MYO1F: variants seen among roughly 807,000 people sequenced by gnomAD.
MYO1F encodes unconventional myosin-If.
In MYO1F, 60 loss-of-function variants were observed where a neutral mutation model predicts 146.6. The observed-to-expected ratio is 0.41, with a 90% CI of 0.33 to 0.51. The LOEUF (loss-of-function observed/expected upper bound fraction) is 0.51, where lower values mean the gene tolerates loss of function less well. MYO1F is among the 20% of genes least tolerant of loss of function. The probability of loss-of-function intolerance (pLI) is 0.25; values close to 1 mark genes in which losing one functional copy is unlikely to be tolerated. For missense variants in MYO1F, 1,274 were observed against 1,534.3 expected (o/e 0.83, Z 2.83); for synonymous variants, 602 against 602.1 (o/e 1.00, Z 0.00).
At chr19:8,547,991 A>AGCCCC in intron 12 of MYO1F, 45 bp downstream of exon 12, 1 of 435,422 alleles carries the variant, frequency 2.3e-6, no homozygotes, top group Non-Finnish European at 4.3e-6. Flanking sequence ...CTTCCACCCC[A>AGCCCC]CCCCCACCCC....
Position 8,526,874 on chromosome 19 carries a change from C to T in MYO1F, c.2536G>A (p.Val846Ile), listed in dbSNP as rs758533761. ...EDAADSFLESVFKTEFVSLLC... is the reference protein window; with the variant it reads ...EDAADSFLESIFKTEFVSLLC... ...AGGCTGACAAACTCGGTCTTGAAGA[C>T]GCTCTCCAGGAAGCTGTCGGCGGCA... Residue 846 changes from valine (V) to isoleucine (I), a missense_variant, in exon 23 of 28, where the codon GTC (valine) becomes ATC (isoleucine). By Grantham distance (29) the Val-to-Ile change is conservative (BLOSUM62 3). This residue lies in a region of MYO1F where 374 missense variants were observed against 379.2 expected (regional missense o/e 0.99). Transcript: ENST00000644032. 7 of 1,613,938 alleles carry T rather than the reference C, an allele frequency of 4.3e-6. No individual in the cohort carries two copies. The highest frequency in any genetic ancestry group is 2.2e-5 in the East Asian group (1 of 44,886).
chr19:8,550,407 TGCCTCCTGCATGG>T, intron 9 of MYO1F, 51 bp from the exon 10 acceptor site: 2 of 1,588,952 alleles, frequency 1.3e-6, no homozygotes, highest in Non-Finnish European at 1.7e-6. Flanking sequence ...TGGGCTCTTG[TGCCTCCTGCATGG>T]GCCTCCTATT....
In MYO1F at chr19:8,521,427, C is replaced by T. The variant is rs926774337; in HGVS notation, c.*101G>A. 5.5e-6 allele frequency: 7 copies of T among 1,281,234 alleles called. No individual in the cohort carries two copies. The African/African-American group carries it at 1.0e-4, about 19-fold the overall frequency. The allele number at this position is 1,281,234 out of a possible 1,614,324, so 79.4% of individuals were successfully genotyped here. A position where few individuals can be genotyped will look rare whatever the true frequency, so the allele number is the denominator to read the frequency against. On this transcript the variant is annotated 3_prime_UTR_variant, in exon 28 of 28. Transcript: ENST00000644032. ...AAAGGACTGGACTTTTAGGCTATTG[C>T]AGCCCAGGTAAACGAGGCTCTCATT...
In MYO1F at chr19:8,554,581, G is replaced by A. The variant is rs755414901; in HGVS notation, c.232-10C>T. ...GATTCTCATACTGGGCCTGGCAGGGGAGGTCAGGTCTCAGCCCAGGGCTGG... is the reference window on the plus strand; with the variant it reads ...GATTCTCATACTGGGCCTGGCAGGGAAGGTCAGGTCTCAGCCCAGGGCTGG... On this transcript the variant is annotated splice_polypyrimidine_tract_variant and intron_variant, in intron 3 of 27. Transcript: ENST00000644032. 13 of 1,612,330 alleles carry A rather than the reference G, an allele frequency of 8.1e-6. No individual in the cohort carries two copies. The highest frequency in any genetic ancestry group is 1.1e-5 in the Non-Finnish European group (13 of 1,178,416).
At chr19:8,555,834 C>T (rs368363753) in intron 1 of MYO1F, 38 bp from the exon 2 acceptor site, 49 of 1,588,014 alleles carry the variant, frequency 3.1e-5, no homozygotes, top group African/African-American at 2.4e-4. Context: ...AGCCCTTGCA[C>T]GGGGATGCGG....
chr19:8,545,112 G>C (rs950048671), intron 13 of MYO1F, among the ~76,000 whole-genome samples: 4 of 151,504 alleles, frequency 2.6e-5, no homozygotes, highest in African/African-American at 9.7e-5. Flanking sequence ...TTTTGAGACA[G>C]GGTCTTGTTC....
chr19:8,568,798 G>A lies in MYO1F; in HGVS notation c.3+8509C>T, dbSNP rs529373785. On this transcript the variant is annotated intron_variant, in intron 1 of 27. Coordinates refer to ENST00000644032, the MANE Select transcript of MYO1F (RefSeq NM_012335.4). The stretch of plus-strand genomic sequence containing the variant: ...TAGCCCGGCGTGGTGGCGGGTGTCT[G>A]TAGTCTTAGCTATCCGGGAGGCTGA... 3.9e-5 allele frequency among the ~76,000 whole-genome samples: 6 copies of A among 152,226 alleles called. No homozygotes were observed. In the East Asian group the frequency reaches 1.2e-3, roughly 29 times the overall value.
chr19:8,552,210 A>G (rs755788001), intron 6 of MYO1F, 46 bp from the exon 7 acceptor site: 6 of 1,608,756 alleles, frequency 3.7e-6, no homozygotes, highest in African/African-American at 1.3e-5. Context: ...CCTGGGGTGC[A>G]GGTGGGGGAA....
Position 8,544,483 on chromosome 19 carries a change from C to T in MYO1F, c.1357-19G>A, listed in dbSNP as rs1421824121. The T allele has an allele frequency of 7.5e-6, 12 of 1,601,216 alleles. No individual in the cohort carries two copies. The highest frequency in any genetic ancestry group is 9.3e-6 in the Non-Finnish European group (11 of 1,178,684). ...GGGGGCTCTGCGGGGCGAGCGGGAG[C>T]CAGCAGCGGCTCAGTTTGGTCTGCC... On this transcript the variant is annotated intron_variant, in intron 13 of 27. Coordinates refer to ENST00000644032, the MANE Select transcript of MYO1F (RefSeq NM_012335.4).
chr19:8,554,845 AGG>A, intron 2 of MYO1F, 102 bp from the exon 3 acceptor site: 1 of 1,091,636 alleles, frequency 9.2e-7, no homozygotes, highest in Non-Finnish European at 1.4e-6. Flanking sequence ...CATTGCTTGG[AGG>A]TGGAAGAGAT....
chr19:8,549,387 C>T (rs547704328), intron 10 of MYO1F: 1 of 152,128 alleles, frequency 6.6e-6, no homozygotes, highest in South Asian at 2.1e-4. Flanking sequence ...TCTTCCACCT[C>T]AGCCTCCTGA....
intron 19 of MYO1F, among the ~76,000 whole-genome samples, chr19:8,535,392 T>C (rs543126638): frequency 1.3e-5 from 2 of 152,264 alleles, no homozygotes; most frequent in East Asian, 3.9e-4. Context: ...CTAAATTAAA[T>C]TTTACTTTAT....
At chr19:8,571,422 T>TC (rs200885736) in intron 1 of MYO1F, among the ~76,000 whole-genome samples, 10,523 of 136,436 alleles carry the variant, frequency 0.077, 1,033 homozygotes, top group African/African-American at 0.27. Context: ...TCTCTCTCTC[T>TC]TTTTTTTTTT....
At chr19:8,553,914 T>TCTCTCTCTCG (rs1568361646) in intron 4 of MYO1F, among the ~76,000 whole-genome samples, 15 of 135,774 alleles carry the variant, frequency 1.1e-4, no homozygotes, top group African/African-American at 4.0e-4. Flanking sequence ...TCTCTCTCTC[T>TCTCTCTCTCG]CTCTCTCTCG....
chr19:8,559,956 A>C lies in MYO1F; in HGVS notation c.4-4160T>G, dbSNP rs868407256. On this transcript the variant is annotated intron_variant, in intron 1 of 27. Transcript: ENST00000644032. ...CAAGAGCAAAACTCCATCTCAGAAA[A>C]AAAAAAAAAAAAAAAGTAAAGAATT... Among the ~76,000 whole-genome samples, 3 of 150,452 alleles carry C rather than the reference A, an allele frequency of 2.0e-5. No individual in the cohort carries two copies. The South Asian group carries it at 6.3e-4, about 32-fold the overall frequency.
intron 10 of MYO1F, 123 bp downstream of exon 10, chr19:8,550,037 G>C (rs922621429): frequency 4.1e-5 from 47 of 1,142,376 alleles, no homozygotes; most frequent in Non-Finnish European, 5.6e-5. Context: ...TGGCCTCAAA[G>C]AATGCTCCCA....
chr19:8,568,354 C>T (rs9749382), intron 1 of MYO1F, among the ~76,000 whole-genome samples: 6,258 of 127,592 alleles, frequency 0.049, 326 homozygotes, highest in African/African-American at 0.15. Flanking sequence ...ACCTGGGAGG[C>T]GGAGCTTGCA....
intron 10 of MYO1F, 85 bp from the exon 11 acceptor site, chr19:8,548,402 C>T (rs1973462504): frequency 1.6e-6 from 2 of 1,267,416 alleles, no homozygotes; most frequent in Non-Finnish European, 2.3e-6. Flanking sequence ...ACACGCCTAG[C>T]CAACTTCATG....
chr19:8,525,599 G>A, intron 24 of MYO1F, 37 bp from the exon 25 acceptor site: 1 of 1,560,436 alleles, frequency 6.4e-7, no homozygotes, highest in East Asian at 2.2e-5. Flanking sequence ...ATGACAGACA[G>A]ACCACGCTCT....
Sources: allele counts gnomAD v4.1 joint callset (sites outside exome capture counted in the v4.1 genomes callset), GRCh38; gene constraint gnomAD v4.1.1; regional missense constraint gnomAD v4.1.1; transcripts MANE v1.5; gene names NCBI Gene and HGNC (gene_info 2026-07-23, HGNC 2026-07-21).